The following NKAIN3 variants were observed in gnomAD, a reference collection of about 807,000 sequenced individuals.
NKAIN3 encodes sodium/potassium-transporting ATPase subunit beta-1-interacting protein 3.
A neutral mutation model predicts 30.2 loss-of-function variants in NKAIN3; 25 were observed. The observed-to-expected ratio is 0.83, with a 90% CI of 0.60 to 1.16. The LOEUF (loss-of-function observed/expected upper bound fraction) is 1.16, where lower values mean the gene tolerates loss of function less well. Ranked by LOEUF, NKAIN3 falls within the 50% of genes most tolerant of loss-of-function variation. The pLI, the probability that NKAIN3 is intolerant of heterozygous loss-of-function variation, is 0.00. For missense variants in NKAIN3, 225 were observed against 254.1 expected, an observed-to-expected ratio of 0.89 and a Z score of 0.78; for synonymous variants, 91 against 89.6, an observed-to-expected ratio of 1.02 and a Z score of -0.09.
In NKAIN3 at chr8:62,976,284, T is replaced by C. The variant is rs1175907627; in HGVS notation, c.*10877T>C. On this transcript the variant is annotated 3_prime_UTR_variant, in exon 7 of 7. Transcript: ENST00000623646. The stretch of plus-strand genomic sequence containing the variant: ...GATCTGTCTAATACACACAATGGAG[T>C]GTTAAAGTCTCCCACTATTATTGTG... 6.6e-6 allele frequency among the ~76,000 whole-genome samples: 1 copy of C among 152,042 alleles called. No individual in the cohort carries two copies. Among genetic ancestry groups the C allele is most frequent in the Non-Finnish European group, 1.5e-5 (1 of 68,018 alleles).
intron 1 of NKAIN3, among the ~76,000 whole-genome samples, chr8:62,549,866 C>T (rs1424932713): frequency 6.7e-6 from 1 of 150,292 alleles, no homozygotes; most frequent in Non-Finnish European, 1.5e-5. Flanking sequence ...CATTATTCTA[C>T]ACTTTGAGAA....
At chr8:62,770,936 A>G (rs1816988346) in intron 4 of NKAIN3, among the ~76,000 whole-genome samples, 1 of 152,124 alleles carries the variant, frequency 6.6e-6, no homozygotes, top group African/African-American at 2.4e-5. Context: ...GAGTTGAGAT[A>G]TATTATCTAA....
intron 4 of NKAIN3, among the ~76,000 whole-genome samples, chr8:62,889,033 A>G (rs1821225482): frequency 6.6e-6 from 1 of 152,198 alleles, no homozygotes; most frequent in Non-Finnish European, 1.5e-5. Context: ...CAAAGTTACA[A>G]AGAAAAATAA....
intron 3 of NKAIN3, among the ~76,000 whole-genome samples, chr8:62,703,266 T>TA (rs1230001811): frequency 2.6e-5 from 4 of 152,190 alleles, no homozygotes; most frequent in African/African-American, 9.7e-5. Flanking sequence ...TTCACTGTTT[T>TA]TGGTCATCTT....
At chr8:62,758,470 T>C (rs1363565781) in intron 4 of NKAIN3, among the ~76,000 whole-genome samples, 1 of 152,196 alleles carries the variant, frequency 6.6e-6, no homozygotes. Flanking sequence ...AAATTTTTGG[T>C]AAGTCTGAAA....
intron 4 of NKAIN3, among the ~76,000 whole-genome samples, chr8:62,777,193 CTTG>C (rs1204840695): frequency 6.6e-6 from 1 of 152,072 alleles, no homozygotes; most frequent in African/African-American, 2.4e-5. Flanking sequence ...GTTAAATCAA[CTTG>C]TTGTTCTATA....
chr8:62,318,841 G>C (rs1333519046), intron 1 of NKAIN3, among the ~76,000 whole-genome samples: 2 of 152,122 alleles, frequency 1.3e-5, no homozygotes, highest in African/African-American at 4.8e-5. Context: ...GATGATGCTG[G>C]CCTCATAAAA....
intron 1 of NKAIN3, among the ~76,000 whole-genome samples, chr8:62,284,483 G>C (rs551301822): frequency 6.6e-6 from 1 of 151,922 alleles, no homozygotes; most frequent in Admixed American, 6.6e-5. Context: ...AAAATTAGGC[G>C]GGCATGGTGG....
chr8:62,280,433 C>T (rs892139415), intron 1 of NKAIN3, among the ~76,000 whole-genome samples: 45 of 151,958 alleles, frequency 3.0e-4, no homozygotes, highest in East Asian at 1.9e-4. Context: ...TGGTGAGAGA[C>T]GGCATCCCTA....
At chr8:62,638,044 C>A (rs1174442745) in intron 3 of NKAIN3, among the ~76,000 whole-genome samples, 1 of 152,148 alleles carries the variant, frequency 6.6e-6, no homozygotes, top group South Asian at 2.1e-4. Flanking sequence ...GTATGAATAA[C>A]ATTTTCTGCC....
chr8:62,809,427 G>T (rs893798751), intron 4 of NKAIN3, among the ~76,000 whole-genome samples: 3 of 152,124 alleles, frequency 2.0e-5, no homozygotes, highest in African/African-American at 7.2e-5. Flanking sequence ...AATTATAAAA[G>T]TACTAATTTG....
intron 4 of NKAIN3, among the ~76,000 whole-genome samples, chr8:62,813,500 T>G (rs1334934092): frequency 4.4e-4 from 1 of 2,274 alleles, no homozygotes; most frequent in Non-Finnish European, 1.2e-3. Context: ...TGAGTCTTCC[T>G]TTTTTTTTTT....
intron 1 of NKAIN3, among the ~76,000 whole-genome samples, chr8:62,259,534 G>A (rs369893895): frequency 2.6e-5 from 4 of 152,236 alleles, no homozygotes; most frequent in African/African-American, 9.6e-5. Context: ...TATTCCAAAT[G>A]CCAGTTAAAT....
intron 1 of NKAIN3, among the ~76,000 whole-genome samples, chr8:62,572,173 G>A (rs868813671): frequency 1.3e-5 from 2 of 152,052 alleles, no homozygotes; most frequent in Admixed American, 6.5e-5. Flanking sequence ...TGAATGCTTT[G>A]CTGCTTAGAA....
chr8:62,584,240 T>G (rs369057006), intron 2 of NKAIN3, among the ~76,000 whole-genome samples: 48 of 152,328 alleles, frequency 3.2e-4, no homozygotes, highest in African/African-American at 1.1e-3. Flanking sequence ...GATAGGTCAA[T>G]TAAATTTAAT....
At chr8:62,587,727 A>G (rs1177892761) in intron 2 of NKAIN3, among the ~76,000 whole-genome samples, 1 of 151,982 alleles carries the variant, frequency 6.6e-6, no homozygotes, top group East Asian at 1.9e-4. Flanking sequence ...TAAAGCACTT[A>G]CCACAATACC....
At chr8:62,879,477 A>T (rs1425066791) in intron 4 of NKAIN3, among the ~76,000 whole-genome samples, 1 of 151,906 alleles carries the variant, frequency 6.6e-6, no homozygotes, top group African/African-American at 2.4e-5. Context: ...GTTCACTCTG[A>T]TGGTGGTTTC....
intron 3 of NKAIN3, among the ~76,000 whole-genome samples, chr8:62,707,241 C>T (rs1168911386): frequency 4.6e-5 from 7 of 152,026 alleles, no homozygotes; most frequent in Non-Finnish European, 1.0e-4. Flanking sequence ...TGTGTACATA[C>T]CCAGTAGTGG....
At position 62,629,138 on chromosome 8, in the gene NKAIN3, G is replaced by A. The variant is rs1811875722; in HGVS notation, c.273+39344G>A. Among the ~76,000 whole-genome samples, 3 of 152,268 alleles carry A rather than the reference G, an allele frequency of 2.0e-5. No homozygotes were observed. The South Asian group carries it at 6.2e-4, about 32-fold the overall frequency. On this transcript the variant is annotated intron_variant, in intron 3 of 6. Transcript: ENST00000623646. ...AATGAATCAGGTCTTGCCTGTCCCT[G>A]ATGGGAAGTAATCAGATAATTCTAG...
Sources: allele counts gnomAD v4.1 joint callset (sites outside exome capture counted in the v4.1 genomes callset), GRCh38; gene constraint gnomAD v4.1.1; transcripts MANE v1.5; gene names NCBI Gene and HGNC (gene_info 2026-07-23, HGNC 2026-07-21).